PMFBP1: variants seen among roughly 807,000 people sequenced by gnomAD.
PMFBP1 encodes the protein polyamine modulated factor 1 binding protein 1.
Under a neutral mutation model 137.8 loss-of-function variants are expected in PMFBP1, and 131 were observed. The ratio of observed to expected loss-of-function variants is 0.95; its 90% CI spans 0.82 to 1.10. The LOEUF (loss-of-function observed/expected upper bound fraction) is 1.10. Among genes scored for constraint, PMFBP1 ranks in the 50% least tolerant of loss-of-function variants. PMFBP1 has a pLI of 0.00. For synonymous variants in PMFBP1, 490 were observed against 450.4 expected (o/e 1.09, Z -1.11); for missense variants, 1,199 against 1,175.4 (o/e 1.02, Z -0.29).
upstream of PMFBP1, among the ~76,000 whole-genome samples, chr16:72,181,248 A>AAAAAT (rs1459699465): frequency 2.0e-5 from 3 of 150,150 alleles, no homozygotes; most frequent in African/African-American, 7.4e-5. Flanking sequence ...AAAAAAAAAA[A>AAAAAT]AATAATAATA....
At chr16:72,159,815 A>G (rs1461053728) in intron 3 of PMFBP1, among the ~76,000 whole-genome samples, 1 of 151,626 alleles carries the variant, frequency 6.6e-6, no homozygotes, top group African/African-American at 2.4e-5. Context: ...TTTTTTTAAA[A>G]CATTCTTCCT....
rs886578740 is a variant in PMFBP1, at chr16:72,119,354, C to T, written c.3008G>A (p.Gly1003Asp). ...TKYIGMPHCP[G>D]SSYC ...ATGTGGATTCTAGCAGTATGAGGAA[C>T]CTGAGGGAACAGGGAGGAAATGAGA... The change falls in exon 21 of 21, where the codon GGT becomes GAT. Residue 1003 changes from glycine (G) to aspartate (D), a missense_variant and splice_region_variant. Physicochemically the swap from Gly to Asp is moderately conservative, Grantham distance 94 (BLOSUM62 -1). Transcript: ENST00000237353. 4.3e-6 allele frequency: 7 copies of T among 1,614,118 alleles called. No individual in the cohort carries two copies. Among genetic ancestry groups the T allele is most frequent in the Non-Finnish European group, 5.9e-6 (7 of 1,180,002 alleles).
At chr16:72,157,149 A>T (rs996721256) in intron 3 of PMFBP1, among the ~76,000 whole-genome samples, 6 of 141,538 alleles carry the variant, frequency 4.2e-5, no homozygotes, top group Non-Finnish European at 9.1e-5. Context: ...ACACCACTGC[A>T]CGCCAGCCTG....
chr16:72,158,213 C>A (rs1374051211), intron 3 of PMFBP1, among the ~76,000 whole-genome samples: 1 of 152,110 alleles, frequency 6.6e-6, no homozygotes, highest in African/African-American at 2.4e-5. Flanking sequence ...AAAATGGACC[C>A]ACTATGGTCA....
chr16:72,148,451 A>G (rs2042848470), intron 5 of PMFBP1, among the ~76,000 whole-genome samples: 1 of 152,196 alleles, frequency 6.6e-6, no homozygotes, highest in Non-Finnish European at 1.5e-5. Flanking sequence ...GCAAACCAAC[A>G]TGGCACATGT....
the PMFBP1 span, among the ~76,000 whole-genome samples, chr16:72,190,977 G>A: frequency 6.6e-6 from 1 of 152,110 alleles, no homozygotes; most frequent in East Asian, 1.9e-4. Context: ...CATTTTTATT[G>A]TGAATATTAT....
At chr16:72,123,704 C>A (rs1375399983) in intron 17 of PMFBP1, 55 bp from the exon 18 acceptor site, 1 of 1,497,674 alleles carries the variant, frequency 6.7e-7, no homozygotes, top group Non-Finnish European at 9.2e-7. Flanking sequence ...GGCCTGTCAG[C>A]CCTCCTTCCG....
At chr16:72,215,408 A>C in the PMFBP1 span, among the ~76,000 whole-genome samples, 1 of 151,290 alleles carries the variant, frequency 6.6e-6, no homozygotes, top group Non-Finnish European at 1.5e-5. Context: ...AAGAATAGCC[A>C]TTAGTCTGAC....
At chr16:72,202,164 C>G in the PMFBP1 span, among the ~76,000 whole-genome samples, 1 of 152,130 alleles carries the variant, frequency 6.6e-6, no homozygotes, top group African/African-American at 2.4e-5. Flanking sequence ...CGACTTGGGA[C>G]TGGAGCTGGA....
Position 72,140,549 on chromosome 16 carries a change from G to C in PMFBP1, c.670C>G (p.Arg224Gly), listed in dbSNP as rs747852400. Reference protein sequence around the residue: ...PENKGDHSKVRIYTSPCMIQE... With the variant: ...PENKGDHSKVGIYTSPCMIQE... ...ATCATGCAAGGAGAAGTGTATATCC[G>C]TACCTTTGAATGATCACCCTTGTTC... is the stretch of plus-strand genomic sequence containing the variant. The change falls in exon 6 of 21, where the codon CGG (arginine) becomes GGG (glycine). Residue 224 changes from arginine to glycine, a missense_variant. Arg to Gly is a moderately radical substitution (Grantham distance 125, BLOSUM62 -2). Transcript: ENST00000237353. 6.2e-7 allele frequency: 1 copy of C among 1,613,620 alleles called. No homozygotes were observed. Among genetic ancestry groups the C allele is most frequent in the Non-Finnish European group, 8.5e-7 (1 of 1,179,614 alleles).
the PMFBP1 span, among the ~76,000 whole-genome samples, chr16:72,221,743 A>C: frequency 1.3e-5 from 2 of 152,252 alleles, no homozygotes; most frequent in African/African-American, 4.8e-5. Context: ...ACATCTTAGT[A>C]AAGCTGGCAT....
At chr16:72,137,773 G>A (rs2042655285) in intron 7 of PMFBP1, among the ~76,000 whole-genome samples, 3 of 152,160 alleles carry the variant, frequency 2.0e-5, no homozygotes, top group Non-Finnish European at 2.9e-5. Flanking sequence ...GGCTGGGGAG[G>A]AGCAATTCGT....
In PMFBP1 at chr16:72,123,037, C is replaced by T. The variant is rs200821269; in HGVS notation, c.2694-49G>A. 33 of 1,541,018 alleles carry T rather than the reference C, an allele frequency of 2.1e-5. No homozygotes were observed. The East Asian group carries it at 2.2e-4, about 10-fold the overall frequency. On this transcript the variant is annotated intron_variant, in intron 18 of 20. Transcript: ENST00000237353. ...ACAGCAGCCAGTCGCCAGCCTCCCGCGAGCAAGGGTGCAGCTGGCTGAATG... is the reference window on the plus strand; with the variant it reads ...ACAGCAGCCAGTCGCCAGCCTCCCGTGAGCAAGGGTGCAGCTGGCTGAATG...
rs779255366 is a variant in PMFBP1 at position 72,139,354 on chromosome 16, C to T, written c.853G>A (p.Ala285Thr). The T allele has an allele frequency of 1.2e-5, 19 of 1,614,046 alleles. 1 individual carries two copies. In the Admixed American group the frequency reaches 2.2e-4, roughly 18 times the overall value. Residue 285 changes from alanine to threonine, a missense_variant, in exon 7 of 21, where the codon GCT becomes ACT. By Grantham distance (58) the Ala-to-Thr change is moderately conservative. Coordinates refer to ENST00000237353, the MANE Select transcript of PMFBP1 (RefSeq NM_031293.3). ...TATCTGTGGGTGGCTGTACAGGAAG[C>T]AAAATCGGCTTGTAGTTTTATCAAA... ...KALIKLQADF[A>T]SCTATHRYPP...
chr16:72,228,381 C>T, the PMFBP1 span, among the ~76,000 whole-genome samples: 3 of 152,160 alleles, frequency 2.0e-5, no homozygotes, highest in African/African-American at 7.2e-5. Context: ...GTTGCTTTTG[C>T]CTGGAATGTT....
intron 3 of PMFBP1, chr16:72,164,485 A>C: frequency 7.0e-7 from 1 of 1,423,226 alleles, no homozygotes; most frequent in Non-Finnish European, 9.3e-7. Flanking sequence ...CAGGGCAATG[A>C]GCTGTAAATA....
chr16:72,223,940 G>A, the PMFBP1 span, among the ~76,000 whole-genome samples: 3 of 152,182 alleles, frequency 2.0e-5, no homozygotes, highest in South Asian at 4.1e-4. Context: ...CACCTGGGAA[G>A]GATAGCATTG....
chr16:72,165,398 T>C (rs1422530307), intron 2 of PMFBP1, among the ~76,000 whole-genome samples: 2 of 151,878 alleles, frequency 1.3e-5, no homozygotes, highest in East Asian at 3.9e-4. Flanking sequence ...ATAAACCCAG[T>C]GCTTTTCTTT....
chr16:72,246,689 C>T, the PMFBP1 span, among the ~76,000 whole-genome samples: 14 of 152,008 alleles, frequency 9.2e-5, no homozygotes, highest in Non-Finnish European at 4.4e-5. Context: ...TTAGAACGCT[C>T]GCTGTATAGG....
Sources: allele counts gnomAD v4.1 joint callset (sites outside exome capture counted in the v4.1 genomes callset), GRCh38; gene constraint gnomAD v4.1.1; transcripts MANE v1.5; gene names NCBI Gene and HGNC (gene_info 2026-07-23, HGNC 2026-07-21).